CDH2: variants seen among roughly 807,000 people sequenced by gnomAD.
The protein encoded by CDH2 is cadherin 2, also known as cadherin-2.
A neutral mutation model predicts 92.0 loss-of-function variants in CDH2; 17 were observed. The ratio of observed to expected loss-of-function variants is 0.18; its 90% CI spans 0.13 to 0.28. The LOEUF is 0.28. Among genes scored for constraint, CDH2 ranks in the 10% least tolerant of loss-of-function variants. The probability of loss-of-function intolerance (pLI) is 1.00; values close to 1 mark genes in which losing one functional copy is unlikely to be tolerated. For missense variants in CDH2, 862 were observed against 1,133.1 expected (o/e 0.76, Z 3.44); for synonymous variants, 419 against 415.9 (o/e 1.01, Z -0.09).
chr18:28,033,282 G>A (rs2013743601), intron 2 of CDH2, among the ~76,000 whole-genome samples: 1 of 151,978 alleles, frequency 6.6e-6, no homozygotes, highest in Non-Finnish European at 1.5e-5. Context: ...TTTTTTCAAG[G>A]GCAAATTTGT....
At chr18:27,970,757 G>A (rs1478934149) in intron 14 of CDH2, among the ~76,000 whole-genome samples, 2 of 152,202 alleles carry the variant, frequency 1.3e-5, no homozygotes, top group African/African-American at 2.4e-5. Context: ...GTAGGGTCTA[G>A]ATAGTAAATA....
At chr18:28,051,862 T>C (rs1254179885) in intron 2 of CDH2, among the ~76,000 whole-genome samples, 3 of 152,150 alleles carry the variant, frequency 2.0e-5, no homozygotes, top group Non-Finnish European at 2.9e-5. Context: ...CTGGGAATGA[T>C]TGCAAAATAC....
intron 1 of CDH2, among the ~76,000 whole-genome samples, chr18:28,155,343 A>C (rs2016191222): frequency 6.6e-6 from 1 of 152,230 alleles, no homozygotes; most frequent in Non-Finnish European, 1.5e-5. Context: ...CTTAAAAAAC[A>C]ATACGTGATT....
chr18:28,076,872 ACT>A (rs1291465415), intron 2 of CDH2, among the ~76,000 whole-genome samples: 1 of 151,982 alleles, frequency 6.6e-6, no homozygotes, highest in Non-Finnish European at 1.5e-5. Context: ...AAATAAAATA[ACT>A]CTGCAAATCT....
At chr18:28,038,420 CAAGTGTGTGTGTGT>C (rs1283717078) in intron 2 of CDH2, among the ~76,000 whole-genome samples, 1 of 123,416 alleles carries the variant, frequency 8.1e-6, no homozygotes, top group Non-Finnish European at 1.7e-5. Flanking sequence ...GACCTTGTCT[CAAGTGTGTGTGTGT>C]GTGTGTGTGT....
At chr18:27,967,587 T>A (rs2011561289) in intron 14 of CDH2, among the ~76,000 whole-genome samples, 1 of 152,240 alleles carries the variant, frequency 6.6e-6, no homozygotes, top group African/African-American at 2.4e-5. Context: ...TTTACAATGT[T>A]AACTTCCCAA....
intron 2 of CDH2, among the ~76,000 whole-genome samples, chr18:28,025,755 G>A (rs911043054): frequency 4.0e-5 from 6 of 151,762 alleles, no homozygotes; most frequent in Non-Finnish European, 5.9e-5. Context: ...AATGAGTTTC[G>A]TGGTTCTATT....
At chr18:28,046,781 A>C (rs2014085374) in intron 2 of CDH2, among the ~76,000 whole-genome samples, 1 of 151,252 alleles carries the variant, frequency 6.6e-6, no homozygotes, top group Non-Finnish European at 1.5e-5. Context: ...CCTTTAAAAA[A>C]TGTGGGGGAC....
chr18:28,005,979 T>A lies in CDH2; in HGVS notation c.717A>T (p.Ala239=), dbSNP rs1170466824. 1.9e-6 allele frequency: 3 copies of A among 1,612,260 alleles called. No individual in the cohort carries two copies. The highest frequency in any genetic ancestry group is 1.7e-6 in the Non-Finnish European group (2 of 1,178,648). Reference sequence around the variant, plus strand: ...CCACTTGATTTCCATTAATATCTACTGCATGTGCCCTCAACTGCAAAAGTA... The same window carrying A: ...CCACTTGATTTCCATTAATATCTACAGCATGTGCCCTCAACTGCAAAAGTA... The part of the protein sequence containing the change: ...QIARFHLRAH[A]VDINGNQVEN... Residue 239 remains alanine, a synonymous_variant, in exon 6 of 16, where the codon GCA becomes GCT. Transcript: ENST00000269141.
chr18:27,954,069 C>T (rs1366684690), intron 15 of CDH2, among the ~76,000 whole-genome samples: 2 of 152,120 alleles, frequency 1.3e-5, no homozygotes, highest in South Asian at 2.1e-4. Context: ...TACTTTACTA[C>T]TTTTCGTCAT....
At chr18:27,970,088 T>C (rs2011620482) in intron 14 of CDH2, among the ~76,000 whole-genome samples, 1 of 152,140 alleles carries the variant, frequency 6.6e-6, no homozygotes, top group Non-Finnish European at 1.5e-5. Context: ...TCAGAAGCTA[T>C]GAAGGAAGTA....
chr18:28,067,966 A>G (rs1254468366), intron 2 of CDH2, among the ~76,000 whole-genome samples: 1 of 152,214 alleles, frequency 6.6e-6, no homozygotes, highest in Non-Finnish European at 1.5e-5. Context: ...TTATAATGCA[A>G]TGTAAGAATT....
chr18:27,988,040 G>A (rs949897964), intron 11 of CDH2, among the ~76,000 whole-genome samples: 1 of 152,104 alleles, frequency 6.6e-6, no homozygotes, highest in African/African-American at 2.4e-5. Context: ...GGAAAAAAAG[G>A]TGCTACATAT....
chr18:27,978,400 G>A (rs1179522292), intron 14 of CDH2, among the ~76,000 whole-genome samples: 2 of 152,138 alleles, frequency 1.3e-5, no homozygotes, highest in African/African-American at 4.8e-5. Context: ...AACCCACAAA[G>A]CCGCACACAC....
intron 2 of CDH2, among the ~76,000 whole-genome samples, chr18:28,031,865 G>A (rs2013704443): frequency 6.6e-6 from 1 of 152,064 alleles, no homozygotes; most frequent in African/African-American, 2.4e-5. Context: ...TTCAATGGGT[G>A]ATCAGAGCCG....
At chr18:28,164,725 A>G (rs1271114026) in intron 1 of CDH2, among the ~76,000 whole-genome samples, 5 of 152,262 alleles carry the variant, frequency 3.3e-5, no homozygotes, top group East Asian at 3.9e-4. Flanking sequence ...AGCATATGAA[A>G]CAATTAAATT....
At chr18:28,062,312 G>A (rs923574826) in intron 2 of CDH2, among the ~76,000 whole-genome samples, 23 of 152,054 alleles carry the variant, frequency 1.5e-4, no homozygotes, top group African/African-American at 5.3e-4. Flanking sequence ...TTATTAATTT[G>A]TCCAATAAAT....
intron 2 of CDH2, among the ~76,000 whole-genome samples, chr18:28,139,064 A>G (rs1267571361): frequency 6.6e-6 from 1 of 152,022 alleles, no homozygotes; most frequent in African/African-American, 2.4e-5. Flanking sequence ...ATTTCTGTGA[A>G]GAAAACCTTC....
downstream of CDH2, among the ~76,000 whole-genome samples, chr18:27,946,287 G>T (rs1334923994): frequency 6.6e-6 from 1 of 151,714 alleles, no homozygotes; most frequent in East Asian, 1.9e-4. Flanking sequence ...ATATAAAGCT[G>T]GTTCTCTTAA....
Sources: gnomAD v4.1 joint callset for allele counts (sites outside exome capture counted in the v4.1 genomes callset) on GRCh38, gnomAD v4.1.1 for gene constraint, MANE v1.5 for transcripts, NCBI Gene and HGNC (gene_info 2026-07-23, HGNC 2026-07-21) for gene names.